Variants in CSMD1 observed in about 807,000 individuals in gnomAD.
CSMD1 encodes the protein CUB and Sushi multiple domains 1, also known as CUB and sushi domain-containing protein 1.
A neutral mutation model predicts 417.5 loss-of-function variants in CSMD1; 213 were observed. That is an observed-to-expected ratio of 0.51 (90% CI 0.46 to 0.57). The LOEUF (loss-of-function observed/expected upper bound fraction) is 0.57. Ranked by LOEUF, CSMD1 falls within the 20% of genes least tolerant of loss-of-function variation. The pLI is 0.00. For synonymous variants in CSMD1, 2,862 were observed against 1,736.8 expected, an observed-to-expected ratio of 1.65 and a Z score of -16.11; for missense variants, 6,923 against 4,529.7, an observed-to-expected ratio of 1.53 and a Z score of -15.17.
chr8:3,529,424 G>C (rs996522062), intron 10 of CSMD1, among the ~76,000 whole-genome samples: 2 of 152,078 alleles, frequency 1.3e-5, no homozygotes, highest in African/African-American at 4.8e-5. Flanking sequence ...GATACATGAG[G>C]AATTCAGCAG....
chr8:3,408,360 A>G, intron 13 of CSMD1, 135 bp from the exon 14 acceptor site: 1 of 649,814 alleles, frequency 1.5e-6, no homozygotes, highest in Non-Finnish European at 2.6e-6. Context: ...TTTTAATATA[A>G]GTAATTCTGG....
intron 3 of CSMD1, among the ~76,000 whole-genome samples, chr8:4,396,449 T>G (rs573525878): frequency 1.3e-5 from 2 of 152,252 alleles, no homozygotes; most frequent in South Asian, 4.2e-4. Context: ...CCTGGTGGGC[T>G]ACAGAGTGAC....
intron 49 of CSMD1, among the ~76,000 whole-genome samples, chr8:3,053,876 A>G (rs937564745): frequency 6.6e-6 from 1 of 152,246 alleles, no homozygotes; most frequent in African/African-American, 2.4e-5. Context: ...CTCAATCAGT[A>G]TTAAAGATAT....
chr8:3,662,816 C>T (rs1393022669), intron 7 of CSMD1, among the ~76,000 whole-genome samples: 1 of 151,794 alleles, frequency 6.6e-6, no homozygotes, highest in African/African-American at 2.4e-5. Flanking sequence ...GGGAGGGGAA[C>T]ATCACACACC....
chr8:3,648,291 A>G (rs942887936), intron 7 of CSMD1, among the ~76,000 whole-genome samples: 1 of 152,208 alleles, frequency 6.6e-6, no homozygotes, highest in Non-Finnish European at 1.5e-5. Flanking sequence ...TATATTTCAA[A>G]TCTGCCCTAC....
intron 1 of CSMD1, among the ~76,000 whole-genome samples, chr8:4,854,319 C>A (rs1349120399): frequency 2.6e-5 from 4 of 152,094 alleles, no homozygotes; most frequent in African/African-American, 9.7e-5. Context: ...CGAGGCAGAT[C>A]CCTCATAAAT....
chr8:4,951,840 A>C (rs1266019934), intron 1 of CSMD1, among the ~76,000 whole-genome samples: 1 of 94,690 alleles, frequency 1.1e-5, no homozygotes, highest in East Asian at 3.3e-4. Flanking sequence ...AAAGATCAAC[A>C]AAGTTAATAC....
At chr8:4,113,948 C>A (rs1323630207) in intron 3 of CSMD1, among the ~76,000 whole-genome samples, 1 of 152,180 alleles carries the variant, frequency 6.6e-6, no homozygotes, top group Non-Finnish European at 1.5e-5. Flanking sequence ...AGAAAAGAAG[C>A]CATCTCCATA....
At chr8:3,452,032 A>T (rs1166276972) in intron 12 of CSMD1, among the ~76,000 whole-genome samples, 1 of 152,152 alleles carries the variant, frequency 6.6e-6, no homozygotes, top group African/African-American at 2.4e-5. Context: ...GGTCCTTCAC[A>T]TCCCTTGTAA....
chr8:4,381,574 C>A (rs1455685189), intron 3 of CSMD1, among the ~76,000 whole-genome samples: 1 of 151,968 alleles, frequency 6.6e-6, no homozygotes, highest in Non-Finnish European at 1.5e-5. Flanking sequence ...CAATTCTGCC[C>A]AAAAGCAATG....
At chr8:3,770,226 G>A (rs570881373) in intron 5 of CSMD1, among the ~76,000 whole-genome samples, 1 of 152,254 alleles carries the variant, frequency 6.6e-6, no homozygotes, top group Non-Finnish European at 1.5e-5. Flanking sequence ...TTCTTTCCTT[G>A]GTGCAAGAAA....
At chr8:3,992,061 A>T (rs957719658) in intron 5 of CSMD1, among the ~76,000 whole-genome samples, 4 of 151,556 alleles carry the variant, frequency 2.6e-5, no homozygotes, top group Non-Finnish European at 5.9e-5. Context: ...TATCATGTTA[A>T]TTATATCCCT....
At chr8:3,915,204 G>A (rs764160550) in intron 5 of CSMD1, among the ~76,000 whole-genome samples, 4 of 151,900 alleles carry the variant, frequency 2.6e-5, no homozygotes, top group Admixed American at 2.0e-4. Context: ...TCAGGATTTC[G>A]AGACCAGCCT....
chr8:4,761,878 T>TCTAC (rs1812106305), intron 1 of CSMD1, among the ~76,000 whole-genome samples: 16 of 108,506 alleles, frequency 1.5e-4, no homozygotes, highest in Non-Finnish European at 2.1e-4. Context: ...TATCTATCTA[T>TCTAC]CTATCTATCT....
At position 3,881,618 on chromosome 8, in the gene CSMD1, A is replaced by C. The variant is rs193145501; in HGVS notation, c.818+116285T>G. On this transcript the variant is annotated intron_variant, in intron 5 of 69. Coordinates refer to ENST00000635120, the MANE Select transcript of CSMD1 (RefSeq NM_033225.6). ...AGCAAGACTCCATCTCAAAAAAAAAAAAAACAAAAACAAAAACAAACAAAC... is the reference window on the plus strand; with the variant it reads ...AGCAAGACTCCATCTCAAAAAAAAACAAAACAAAAACAAAAACAAACAAAC... Among the ~76,000 whole-genome samples, 1,357 of 139,194 alleles carry C rather than the reference A, an allele frequency of 9.7e-3. 18 individuals are homozygous for C. Among genetic ancestry groups the C allele is most frequent in the Non-Finnish European group, 0.015 (1,002 of 65,796 alleles). 91.3% of individuals were successfully genotyped at this position (139,194 alleles called of 152,430 possible).
chr8:4,920,062 G>A (rs914559053), intron 1 of CSMD1, among the ~76,000 whole-genome samples: 3 of 152,158 alleles, frequency 2.0e-5, no homozygotes, highest in Non-Finnish European at 4.4e-5. Flanking sequence ...TAAGACAGTA[G>A]AGGAAAATAA....
chr8:3,129,247 T>C (rs889293531), intron 41 of CSMD1, among the ~76,000 whole-genome samples: 2 of 152,206 alleles, frequency 1.3e-5, no homozygotes, highest in Non-Finnish European at 2.9e-5. Context: ...TTACATAACA[T>C]GGAATTCTAA....
chr8:3,854,073 T>C (rs1036904527), intron 5 of CSMD1, among the ~76,000 whole-genome samples: 4 of 145,838 alleles, frequency 2.7e-5, no homozygotes, highest in East Asian at 2.0e-4. Flanking sequence ...ATTTAGCATA[T>C]AATATACTAA....
At chr8:4,495,451 T>G (rs927345173) in intron 2 of CSMD1, among the ~76,000 whole-genome samples, 1 of 152,036 alleles carries the variant, frequency 6.6e-6, no homozygotes, top group Non-Finnish European at 1.5e-5. Context: ...GACGTGTGCC[T>G]GTAATCCCAC....
Sources: gnomAD v4.1 joint callset for allele counts (sites outside exome capture counted in the v4.1 genomes callset) on GRCh38, gnomAD v4.1.1 for gene constraint, MANE v1.5 for transcripts, NCBI Gene and HGNC (gene_info 2026-07-23, HGNC 2026-07-21) for gene names.